The following USP31 variants were observed in gnomAD, a reference collection of about 807,000 sequenced individuals.
The protein encoded by USP31 is ubiquitin specific peptidase 31, also known as ubiquitin carboxyl-terminal hydrolase 31.
Under a neutral mutation model 119.4 loss-of-function variants are expected in USP31, and 44 were observed. The observed-to-expected ratio is 0.37, with a 90% CI of 0.29 to 0.47. USP31 has a LOEUF of 0.47. Ranked by LOEUF, USP31 falls within the 20% of genes least tolerant of loss-of-function variation. The pLI, the probability that USP31 is intolerant of heterozygous loss-of-function variation, is 0.99. For missense variants in USP31, 1,643 were observed against 1,730.2 expected (o/e 0.95, Z 0.89); for synonymous variants, 749 against 705.6 (o/e 1.06, Z -0.97).
At chr16:23,087,617 C>A in intron 8 of USP31, 107 bp downstream of exon 8, 1 of 1,023,288 alleles carries the variant, frequency 9.8e-7, no homozygotes. Context: ...GGGATAAATT[C>A]TCAGTCCTGG....
rs562513027 is a variant in USP31, at chr16:23,102,411, G to C, written c.1142C>G (p.Thr381Arg). 6.2e-7 allele frequency: 1 copy of C among 1,613,788 alleles called. No homozygotes were observed. Among genetic ancestry groups the C allele is most frequent in the African/African-American group, 1.3e-5 (1 of 75,022 alleles). Residue 381 changes from threonine to arginine, a missense_variant, in exon 6 of 16, where the codon ACA becomes AGA. By Grantham distance (71) the Thr-to-Arg change is moderately conservative (BLOSUM62 -1). Transcript: ENST00000219689. ...TTCATGGACTGTTTCCAGGTCGTCT[G>C]TATCACAAAAGGAACGATGGAACCC... Reference protein sequence around the residue: ...YDGFHRSFCDTDDLETVHESD... With the variant: ...YDGFHRSFCDRDDLETVHESD...
chr16:23,074,120 T>C (rs13338545), intron 13 of USP31, among the ~76,000 whole-genome samples: 41,623 of 152,106 alleles, frequency 0.27, 6,138 homozygotes, highest in Admixed American at 0.35. Context: ...AGAAAACACA[T>C]ACTTATTTAA....
Position 23,062,758 on chromosome 16 carries a change from A to G in USP31, c.*5288T>C, listed in dbSNP as rs1395685353. ...ACTGGCGAGTGCTAGGCCATTCACAACATGGTCCAAGCTCCCCAACTGGGC... is the reference window on the plus strand; with the variant it reads ...ACTGGCGAGTGCTAGGCCATTCACAGCATGGTCCAAGCTCCCCAACTGGGC... On this transcript the variant is annotated 3_prime_UTR_variant, in exon 16 of 16. Coordinates refer to ENST00000219689, the MANE Select transcript of USP31 (RefSeq NM_020718.4). The G allele has an allele frequency of 6.6e-6, 1 of 152,580 alleles. No individual in the cohort carries two copies. Among genetic ancestry groups the G allele is most frequent in the Non-Finnish European group, 1.5e-5 (1 of 68,044 alleles). 9.5% of individuals were successfully genotyped at this position (152,580 alleles called of 1,614,324 possible).
chr16:23,141,216 G>A (rs542823475), intron 1 of USP31, among the ~76,000 whole-genome samples: 2 of 152,116 alleles, frequency 1.3e-5, no homozygotes, highest in South Asian at 2.1e-4. Context: ...CCTCCATCCC[G>A]CTCTCCTCCT....
rs1902547780 is a variant in USP31 at position 23,117,885 on chromosome 16, G to A, written c.634-9702C>T. On this transcript the variant is annotated intron_variant, in intron 1 of 15. Transcript: ENST00000219689. The stretch of plus-strand genomic sequence containing the variant: ...GCTCACTGCAACCTCCGCCTCCCGG[G>A]TTCAAGCAATTCTTCTGCCTCAGCC... 4.6e-5 allele frequency among the ~76,000 whole-genome samples: 7 copies of A among 152,084 alleles called. No homozygotes were observed. In the South Asian group the frequency reaches 1.4e-3, roughly 31 times the overall value.
chr16:23,106,235 G>T lies in USP31; in HGVS notation c.931C>A (p.Pro311Thr). ...TACCTTGTGTGGGGCAGAGGAATTG[G>T]CAAAGAAATGCAAAGGAAAGGATCA... is the stretch of plus-strand genomic sequence containing the variant. ...TFDPFLCISL[P>T]IPLPHTRPLY... Residue 311 changes from proline to threonine, a missense_variant, in exon 4 of 16, where the codon CCA (proline) becomes ACA (threonine). Physicochemically the swap from Pro to Thr is conservative, Grantham distance 38 (BLOSUM62 -1). This residue lies in a region of USP31 where 144 missense variants were observed against 218.0 expected (regional missense o/e 0.66). Coordinates refer to ENST00000219689, the MANE Select transcript of USP31 (RefSeq NM_020718.4). 1.2e-6 allele frequency: 2 copies of T among 1,614,132 alleles called. No individual in the cohort carries two copies. Among genetic ancestry groups the T allele is most frequent in the Non-Finnish European group, 1.7e-6 (2 of 1,180,022 alleles).
At chr16:23,071,486 A>C (rs80139599) in intron 15 of USP31, among the ~76,000 whole-genome samples, 137 of 152,038 alleles carry the variant, frequency 9.0e-4, no homozygotes, top group Admixed American at 2.2e-3. Flanking sequence ...AAAAAAAAAA[A>C]AGAGTTCAAT....
At chr16:23,123,183 C>T (rs990473576) in intron 1 of USP31, among the ~76,000 whole-genome samples, 1 of 152,146 alleles carries the variant, frequency 6.6e-6, no homozygotes, top group Non-Finnish European at 1.5e-5. Context: ...TAGGATAATA[C>T]ATCAAGCTGT....
chr16:23,148,794 G>A lies in USP31; in HGVS notation c.477C>T (p.Gly159=), dbSNP rs771946006. ...GCTCGGGCCGCCCCGCCCGGTACTGGCCCAGCGCCAGGTACTCGGCGAAGA... is the reference window on the plus strand; with the variant it reads ...GCTCGGGCCGCCCCGCCCGGTACTGACCCAGCGCCAGGTACTCGGCGAAGA... ...TELFAEYLAL[G]QYRAGRPEPS... The change falls in exon 1 of 16, where the codon GGC becomes GGT. Residue 159 remains glycine, a synonymous_variant. Coordinates refer to ENST00000219689, the MANE Select transcript of USP31 (RefSeq NM_020718.4). 2 of 1,538,334 alleles carry A rather than the reference G, an allele frequency of 1.3e-6. No homozygotes were observed. Among genetic ancestry groups the A allele is most frequent in the Non-Finnish European group, 1.7e-6 (2 of 1,147,572 alleles).
chr16:23,076,655 T>C (rs1900587908), intron 13 of USP31, among the ~76,000 whole-genome samples: 1 of 152,236 alleles, frequency 6.6e-6, no homozygotes, highest in Non-Finnish European at 1.5e-5. Context: ...CCAAGATCTA[T>C]TCTATATATA....
At chr16:23,075,485 A>C (rs1900527907) in intron 13 of USP31, among the ~76,000 whole-genome samples, 1 of 152,206 alleles carries the variant, frequency 6.6e-6, no homozygotes, top group Non-Finnish European at 1.5e-5. Flanking sequence ...TACTTTCTGA[A>C]GTATTCTCTA....
chr16:23,103,247 T>C (rs1250329641), intron 5 of USP31, among the ~76,000 whole-genome samples: 1 of 152,140 alleles, frequency 6.6e-6, no homozygotes, highest in East Asian at 1.9e-4. Flanking sequence ...TGAGGCTTTC[T>C]CCCATATCAT....
In USP31 at chr16:23,106,299, A is replaced by T. The variant is rs1902100694; in HGVS notation, c.867T>A (p.Ser289=). The T allele has an allele frequency of 1.2e-6, 2 of 1,614,070 alleles. No homozygotes were observed. Among genetic ancestry groups the T allele is most frequent in the African/African-American group, 2.7e-5 (2 of 74,926 alleles). ...GTTTCTGACAATGAGGACACGTCAA[A>T]GAAGATCTTCAAAACAAAAAGGTAA... ...QELFQAQYRS[S]LTCPHCQKQS... is the part of the protein sequence containing the mutation. The change falls in exon 4 of 16, where the codon TCT becomes TCA. Residue 289 remains serine, a synonymous_variant. Coordinates refer to ENST00000219689, the MANE Select transcript of USP31 (RefSeq NM_020718.4).
At chr16:23,133,668 T>C (rs1168621452) in intron 1 of USP31, among the ~76,000 whole-genome samples, 2 of 152,250 alleles carry the variant, frequency 1.3e-5, no homozygotes, top group African/African-American at 2.4e-5. Context: ...GCTTTCCTAC[T>C]ATAGCATTTT....
intron 6 of USP31, among the ~76,000 whole-genome samples, chr16:23,098,469 A>G (rs1320212381): frequency 6.6e-6 from 1 of 152,198 alleles, no homozygotes; most frequent in Non-Finnish European, 1.5e-5. Flanking sequence ...ATTGGAAAAA[A>G]CTACTTCAAA....
intron 1 of USP31, among the ~76,000 whole-genome samples, chr16:23,120,394 A>G (rs1165611160): frequency 1.3e-5 from 2 of 152,250 alleles, no homozygotes; most frequent in African/African-American, 4.8e-5. Flanking sequence ...TATGTCAATG[A>G]TATCTCAGGC....
chr16:23,090,052 G>C (rs866017498), intron 7 of USP31, among the ~76,000 whole-genome samples: 2 of 152,140 alleles, frequency 1.3e-5, no homozygotes, highest in African/African-American at 4.8e-5. Flanking sequence ...CCCAAGAGGA[G>C]CCTGAACTGA....
chr16:23,130,011 T>A (rs1402730921), intron 1 of USP31, among the ~76,000 whole-genome samples: 1 of 152,200 alleles, frequency 6.6e-6, no homozygotes, highest in East Asian at 1.9e-4. Flanking sequence ...GCACTTTACA[T>A]ACATTTCTCA....
chr16:23,140,492 C>T (rs1903323177), intron 1 of USP31, among the ~76,000 whole-genome samples: 1 of 152,174 alleles, frequency 6.6e-6, no homozygotes, highest in Non-Finnish European at 1.5e-5. Flanking sequence ...CAAATCAAGG[C>T]TCTCTGTCCC....
Sources: gnomAD v4.1 joint callset for allele counts (sites outside exome capture counted in the v4.1 genomes callset) on GRCh38, gnomAD v4.1.1 for gene constraint, gnomAD v4.1.1 regional missense constraint, MANE v1.5 for transcripts, NCBI Gene and HGNC (gene_info 2026-07-23, HGNC 2026-07-21) for gene names.